ATP9A: variants seen among roughly 807,000 people sequenced by gnomAD.
ATP9A encodes the protein ATPase phospholipid transporting 9A, also known as probable phospholipid-transporting ATPase IIA.
A neutral mutation model predicts 144.1 loss-of-function variants in ATP9A; 52 were observed. The ratio of observed to expected loss-of-function variants is 0.36; its 90% CI spans 0.29 to 0.45. ATP9A has a LOEUF of 0.45. ATP9A is among the 20% of genes least tolerant of loss of function. The probability of loss-of-function intolerance (pLI) is 1.00; values close to 1 mark genes in which losing one functional copy is unlikely to be tolerated. For missense variants in ATP9A, 947 were observed against 1,392.7 expected (o/e 0.68, Z 5.09); for synonymous variants, 582 against 557.4 (o/e 1.04, Z -0.62).
chr20:51,750,773 C>G (rs2077827943), intron 1 of ATP9A, among the ~76,000 whole-genome samples: 1 of 152,148 alleles, frequency 6.6e-6, no homozygotes, highest in Non-Finnish European at 1.5e-5. Flanking sequence ...TGGAGTCTGG[C>G]AATCTCATCT....
In ATP9A at chr20:51,756,692, CCT is replaced by C. The variant is rs776317786; in HGVS notation, c.68+11608_68+11609del. On this transcript the variant is annotated intron_variant, in intron 1 of 27. Coordinates refer to ENST00000338821, the MANE Select transcript of ATP9A (RefSeq NM_006045.3). Reference sequence around the variant, plus strand: ...AAATTGATCACCTCTTTAAAGGCCCCCTGTCTCCAAATGCAGTCACATTCTGA... The same window carrying C: ...AAATTGATCACCTCTTTAAAGGCCCCGTCTCCAAATGCAGTCACATTCTGA... Among the ~76,000 whole-genome samples the C allele has an allele frequency of 1.5e-4, 23 of 152,276 alleles. 3 individuals carry two copies. The highest frequency in any genetic ancestry group is 2.0e-4 in the Admixed American group (3 of 15,280).
chr20:51,626,056 G>A (rs934723525), intron 17 of ATP9A, among the ~76,000 whole-genome samples: 22 of 152,332 alleles, frequency 1.4e-4, no homozygotes, highest in African/African-American at 5.1e-4. Context: ...ATTCCTGCAC[G>A]CTGGATTTAG....
At chr20:51,649,428 C>T (rs1421876863) in intron 14 of ATP9A, among the ~76,000 whole-genome samples, 4 of 152,192 alleles carry the variant, frequency 2.6e-5, no homozygotes, top group Non-Finnish European at 5.9e-5. Context: ...ATCATTGTGA[C>T]TCTATCATAA....
chr20:51,636,006 G>C (rs1173612394), intron 15 of ATP9A, among the ~76,000 whole-genome samples: 1 of 151,922 alleles, frequency 6.6e-6, no homozygotes, highest in Non-Finnish European at 1.5e-5. Flanking sequence ...GAATAATACT[G>C]ACCCCATATA....
chr20:51,691,853 T>C lies in ATP9A; in HGVS notation c.643-1034A>G, dbSNP rs575633195. On this transcript the variant is annotated intron_variant, in intron 7 of 27. Transcript: ENST00000338821. ...GAAGTGGAAGCAACTCAAACAAGCA[T>C]CAGTGGATGAATGGATAAACAAAGT... 4.2e-4 allele frequency among the ~76,000 whole-genome samples: 64 copies of C among 152,302 alleles called. 1 individual carries two copies. The highest frequency in any genetic ancestry group is 4.1e-3 in the Admixed American group (63 of 15,286).
intron 13 of ATP9A, among the ~76,000 whole-genome samples, chr20:51,664,866 C>T (rs375172836): frequency 2.0e-5 from 3 of 151,092 alleles, no homozygotes; most frequent in African/African-American, 7.3e-5. Context: ...ATTACAGGTG[C>T]CCGCCACCAC....
intron 3 of ATP9A, among the ~76,000 whole-genome samples, chr20:51,713,407 G>T (rs1287337600): frequency 6.6e-6 from 1 of 152,128 alleles, no homozygotes; most frequent in Non-Finnish European, 1.5e-5. Flanking sequence ...GCAAACGATG[G>T]TGACTACTAA....
chr20:51,706,598 A>C (rs2122841411), intron 4 of ATP9A, among the ~76,000 whole-genome samples: 1 of 152,322 alleles, frequency 6.6e-6, no homozygotes, highest in South Asian at 2.1e-4. Context: ...AAGAATTAAA[A>C]AGTTAGCCAG....
At chr20:51,754,136 C>G (rs1230368920) in intron 1 of ATP9A, among the ~76,000 whole-genome samples, 3 of 152,258 alleles carry the variant, frequency 2.0e-5, no homozygotes, top group African/African-American at 7.2e-5. Flanking sequence ...ACCACCCTGA[C>G]TTGACAATTT....
In ATP9A at chr20:51,607,580, C is replaced by T. The variant is rs767539776; in HGVS notation, c.2750G>A (p.Arg917Gln). 4 of 1,612,874 alleles carry T rather than the reference C, an allele frequency of 2.5e-6. No homozygotes were observed. The highest frequency in any genetic ancestry group is 8.5e-7 in the Non-Finnish European group (1 of 1,179,028). The change falls in exon 26 of 28, where the codon CGG (arginine) becomes CAG (glutamine). Residue 917 changes from arginine (R) to glutamine (Q), a missense_variant. Physicochemically the swap from Arg to Gln is conservative, Grantham distance 43. Transcript: ENST00000338821. ...TAAGAATGTCTTGTAGGACAACGGCCGTCCCTGAATGAGAGACAGAGAAAG... is the reference window on the plus strand; with the variant it reads ...TAAGAATGTCTTGTAGGACAACGGCTGTCCCTGAATGAGAGACAGAGAAAG... ...PELYKDLLKG[R>Q]PLSYKTFLIW... is the part of the protein sequence containing the mutation.
intron 1 of ATP9A, among the ~76,000 whole-genome samples, chr20:51,751,583 T>C (rs2077832147): frequency 6.6e-6 from 1 of 151,478 alleles, no homozygotes; most frequent in Non-Finnish European, 1.5e-5. Context: ...TTTTGTTTGT[T>C]TTTTGTTTTT....
At chr20:51,630,205 C>CT (rs1315791424) in intron 15 of ATP9A, among the ~76,000 whole-genome samples, 4 of 152,252 alleles carry the variant, frequency 2.6e-5, no homozygotes, top group Non-Finnish European at 5.9e-5. Flanking sequence ...GAAGTCCTAG[C>CT]TCTGAGGAAT....
intron 1 of ATP9A, among the ~76,000 whole-genome samples, chr20:51,745,723 G>C (rs1295491159): frequency 6.6e-6 from 1 of 152,092 alleles, no homozygotes; most frequent in Non-Finnish European, 1.5e-5. Flanking sequence ...CTGCCCACTA[G>C]GCTTCTGTGA....
At chr20:51,708,571 TTAAAA>T (rs1201892112) in intron 4 of ATP9A, among the ~76,000 whole-genome samples, 1 of 151,440 alleles carries the variant, frequency 6.6e-6, no homozygotes, top group Non-Finnish European at 1.5e-5. Context: ...CTCGTCTCTA[TTAAAA>T]ATACAAAAAT....
At chr20:51,708,618 C>G (rs1601118400) in intron 4 of ATP9A, among the ~76,000 whole-genome samples, 2 of 152,266 alleles carry the variant, frequency 1.3e-5, no homozygotes, top group South Asian at 4.2e-4. Flanking sequence ...ACCCGTAATC[C>G]CAGCTGCTTG....
intron 1 of ATP9A, among the ~76,000 whole-genome samples, chr20:51,761,759 C>CAA (rs553529325): frequency 3.3e-5 from 4 of 122,140 alleles, no homozygotes; most frequent in Non-Finnish European, 3.5e-5. Flanking sequence ...GACTCCGCCT[C>CAA]AAAAAAAAAA....
At chr20:51,680,225 TA>T (rs11478096) in intron 9 of ATP9A, among the ~76,000 whole-genome samples, 57,378 of 123,126 alleles carry the variant, frequency 0.47, 13,660 homozygotes, top group Middle Eastern at 0.57. Flanking sequence ...GAGACTGTCT[TA>T]AAAAAAAAAA....
intron 1 of ATP9A, among the ~76,000 whole-genome samples, chr20:51,741,923 T>C (rs756250881): frequency 1.3e-5 from 2 of 152,188 alleles, no homozygotes; most frequent in Non-Finnish European, 2.9e-5. Flanking sequence ...AACAGAGAAG[T>C]ATCCAGCCCA....
At chr20:51,729,206 T>C (rs1983973589) in intron 2 of ATP9A, among the ~76,000 whole-genome samples, 1 of 152,226 alleles carries the variant, frequency 6.6e-6, no homozygotes, top group Admixed American at 6.6e-5. Flanking sequence ...TCTGCTGTTT[T>C]GGTCATAATG....
Sources: gnomAD v4.1 joint callset for allele counts (sites outside exome capture counted in the v4.1 genomes callset) on GRCh38, gnomAD v4.1.1 for gene constraint, MANE v1.5 for transcripts, NCBI Gene and HGNC (gene_info 2026-07-23, HGNC 2026-07-21) for gene names.